AKR1C8: variants seen among roughly 807,000 people sequenced by gnomAD.
AKR1C8 encodes the protein aldo-keto reductase family 1 member C8, also known as aldo-keto reductase family 1 member C-like protein 1.
the AKR1C8 span, among the ~76,000 whole-genome samples, chr10:5,171,781 C>T: frequency 8.5e-5 from 13 of 152,178 alleles, no homozygotes; most frequent in Admixed American, 2.0e-4. Flanking sequence ...TGTTTACACA[C>T]AGAATTTCCT....
the AKR1C8 span, chr10:5,123,798 T>C: frequency 1.2e-6 from 2 of 1,613,112 alleles, no homozygotes; most frequent in East Asian, 2.2e-5. Context: ...TTTGCTCTGG[T>C]TGAGGTAAGG....
At chr10:5,132,762 C>T in the AKR1C8 span, 1 of 1,399,136 alleles carries the variant, frequency 7.1e-7, no homozygotes, top group Non-Finnish European at 1.0e-6. Flanking sequence ...AACTCTATTC[C>T]TAGGAACCCG....
At chr10:5,126,151 G>A in the AKR1C8 span, among the ~76,000 whole-genome samples, 1 of 152,164 alleles carries the variant, frequency 6.6e-6, no homozygotes, top group African/African-American at 2.4e-5. Context: ...GGGTCTTGGA[G>A]AAGGGGTCTT....
At chr10:5,152,286 T>C in the AKR1C8 span, among the ~76,000 whole-genome samples, 1 of 152,180 alleles carries the variant, frequency 6.6e-6, no homozygotes, top group Non-Finnish European at 1.5e-5. Flanking sequence ...TCTTTCCAGT[T>C]CCCATTTGGG....
At chr10:5,119,315 G>T in the AKR1C8 span, among the ~76,000 whole-genome samples, 93 of 152,210 alleles carry the variant, frequency 6.1e-4, no homozygotes, top group Middle Eastern at 3.4e-3. Context: ...TTTAAAGTCA[G>T]TAAAATTTTG....
chr10:5,135,439 C>G, the AKR1C8 span, among the ~76,000 whole-genome samples: 1 of 152,112 alleles, frequency 6.6e-6, no homozygotes, highest in East Asian at 1.9e-4. Flanking sequence ...AAAGAGAATT[C>G]TTAAGTACAT....
At chr10:5,129,697 A>G in the AKR1C8 span, among the ~76,000 whole-genome samples, 1 of 152,078 alleles carries the variant, frequency 6.6e-6, no homozygotes, top group African/African-American at 2.4e-5. Context: ...CTAGAAACAT[A>G]CAACCTTCTT....
At chr10:5,116,900 C>T in the AKR1C8 span, among the ~76,000 whole-genome samples, 6 of 152,124 alleles carry the variant, frequency 3.9e-5, no homozygotes, top group African/African-American at 1.2e-4. Flanking sequence ...GCGTAGCATT[C>T]GTATGTGTGA....
the AKR1C8 span, among the ~76,000 whole-genome samples, chr10:5,159,324 G>A: frequency 1.2e-3 from 185 of 152,252 alleles, 1 homozygote; most frequent in African/African-American, 4.3e-3. Context: ...CACGTGGATC[G>A]ATGAGTAAGC....
the AKR1C8 span, among the ~76,000 whole-genome samples, chr10:5,180,136 G>T: frequency 6.6e-6 from 1 of 152,334 alleles, no homozygotes; most frequent in East Asian, 1.9e-4. Context: ...TGATGGTGAT[G>T]CACAGATGGG....
At chr10:5,116,965 T>C in the AKR1C8 span, among the ~76,000 whole-genome samples, 1 of 152,222 alleles carries the variant, frequency 6.6e-6, no homozygotes, top group African/African-American at 2.4e-5. Context: ...ATGAATCCAA[T>C]CTCTCCAAAA....
chr10:5,169,721 T>C, the AKR1C8 span, among the ~76,000 whole-genome samples: 72 of 152,034 alleles, frequency 4.7e-4, no homozygotes, highest in African/African-American at 1.6e-3. Context: ...CTACCGCAAA[T>C]AGTAGAGTGA....
chr10:5,145,323 AACAAAAG>A, the AKR1C8 span, among the ~76,000 whole-genome samples: 1 of 152,182 alleles, frequency 6.6e-6, no homozygotes, highest in African/African-American at 2.4e-5. Context: ...AAGCAATGGC[AACAAAAG>A]ACAAAATTGA....
At chr10:5,178,985 G>A in the AKR1C8 span, among the ~76,000 whole-genome samples, 1 of 152,134 alleles carries the variant, frequency 6.6e-6, no homozygotes, top group African/African-American at 2.4e-5. Context: ...TACATTTAAA[G>A]TTAATATTAT....
the AKR1C8 span, among the ~76,000 whole-genome samples, chr10:5,134,406 G>A: frequency 2.0e-5 from 3 of 152,062 alleles, no homozygotes; most frequent in Non-Finnish European, 2.9e-5. Flanking sequence ...TGGAATACAC[G>A]TTTTCTTCCA....
the AKR1C8 span, among the ~76,000 whole-genome samples, chr10:5,164,809 T>C: frequency 2.0e-5 from 3 of 152,164 alleles, no homozygotes; most frequent in Admixed American, 2.0e-4. Flanking sequence ...ATCTCAGTGT[T>C]ATCTGAAGGC....
At chr10:5,140,798 A>G in the AKR1C8 span, among the ~76,000 whole-genome samples, 22 of 150,322 alleles carry the variant, frequency 1.5e-4, no homozygotes, top group East Asian at 3.9e-3. Context: ...ATACCTGCAC[A>G]TTGTGCACAT....
At chr10:5,121,240 G>A in the AKR1C8 span, among the ~76,000 whole-genome samples, 40 of 152,144 alleles carry the variant, frequency 2.6e-4, no homozygotes, top group Admixed American at 7.2e-4. Flanking sequence ...CCAATGGAAC[G>A]TCATGTTTGT....
the AKR1C8 span, among the ~76,000 whole-genome samples, chr10:5,176,458 C>T: frequency 7.8e-3 from 1,167 of 149,728 alleles, 9 homozygotes; most frequent in Non-Finnish European, 0.012. Flanking sequence ...CTTGTTGATG[C>T]AGGCTCTTTT....
Sources: gnomAD v4.1 joint callset for allele counts (sites outside exome capture counted in the v4.1 genomes callset) on GRCh38, gnomAD v4.1.1 for gene constraint, MANE v1.5 for transcripts, NCBI Gene and HGNC (gene_info 2026-07-23, HGNC 2026-07-21) for gene names.